The following FRMD6 variants were observed in gnomAD, a reference collection of about 807,000 sequenced individuals.
The protein encoded by FRMD6 is FERM domain containing 6.
A neutral mutation model predicts 73.2 loss-of-function variants in FRMD6; 37 were observed. The ratio of observed to expected loss-of-function variants is 0.51; its 90% CI spans 0.39 to 0.66. FRMD6 has a LOEUF of 0.66. FRMD6 is among the 30% of genes least tolerant of loss of function. The pLI is 0.00. For missense variants in FRMD6, 714 were observed against 780.5 expected (o/e 0.91, Z 1.02); for synonymous variants, 273 against 282.2 (o/e 0.97, Z 0.33).
the FRMD6 span, among the ~76,000 whole-genome samples, chr14:51,405,723 C>T: frequency 4.6e-5 from 7 of 152,066 alleles, no homozygotes; most frequent in Non-Finnish European, 1.0e-4. Context: ...CTTATAGATG[C>T]TGGATGTTAG....
At chr14:51,452,166 C>A in the FRMD6 span, among the ~76,000 whole-genome samples, 1 of 152,064 alleles carries the variant, frequency 6.6e-6, no homozygotes, top group Middle Eastern at 3.4e-3. Context: ...AGAGCATGAG[C>A]GAGGGTTGGA....
chr14:51,497,302 G>A (rs1281647501), intron 1 of FRMD6, among the ~76,000 whole-genome samples: 1 of 147,270 alleles, frequency 6.8e-6, no homozygotes, highest in East Asian at 2.0e-4. Context: ...CCTGTTGCTT[G>A]CTTGTAGAAA....
chr14:51,511,593 T>C (rs1884314526), intron 1 of FRMD6, among the ~76,000 whole-genome samples: 10 of 152,114 alleles, frequency 6.6e-5, no homozygotes, highest in Admixed American at 6.5e-4. Flanking sequence ...AAGTTAGGTA[T>C]CTTGGAAGGG....
chr14:51,563,618 T>C (rs529534967), intron 1 of FRMD6, among the ~76,000 whole-genome samples: 1 of 152,182 alleles, frequency 6.6e-6, no homozygotes, highest in East Asian at 1.9e-4. Flanking sequence ...TGTAGTGAGC[T>C]GAGATCATGC....
chr14:51,483,526 T>C, the FRMD6 span, among the ~76,000 whole-genome samples: 4 of 152,132 alleles, frequency 2.6e-5, no homozygotes, highest in African/African-American at 4.8e-5. Flanking sequence ...GTCTCTAAGA[T>C]TGGCATGAGC....
At chr14:51,639,210 C>T (rs989226718) in intron 2 of FRMD6, among the ~76,000 whole-genome samples, 5 of 152,014 alleles carry the variant, frequency 3.3e-5, no homozygotes, top group South Asian at 2.1e-4. Context: ...CTGAGGCGGG[C>T]GGATCACGAG....
intron 1 of FRMD6, among the ~76,000 whole-genome samples, chr14:51,560,744 A>C (rs1295349478): frequency 6.6e-6 from 1 of 152,136 alleles, no homozygotes; most frequent in Non-Finnish European, 1.5e-5. Flanking sequence ...TCAGACTCCC[A>C]AAGTGCTGGG....
the FRMD6 span, among the ~76,000 whole-genome samples, chr14:51,437,275 G>A: frequency 3.9e-5 from 6 of 152,254 alleles, no homozygotes; most frequent in African/African-American, 1.2e-4. Context: ...TGAGAATGAC[G>A]GTTTCCAACT....
At chr14:51,417,111 G>A in the FRMD6 span, among the ~76,000 whole-genome samples, 1 of 152,094 alleles carries the variant, frequency 6.6e-6, no homozygotes, top group African/African-American at 2.4e-5. Flanking sequence ...TACCCAATTT[G>A]CCAGTCTGTG....
intron 2 of FRMD6, among the ~76,000 whole-genome samples, chr14:51,586,267 A>G (rs1341232082): frequency 1.3e-5 from 2 of 152,056 alleles, no homozygotes; most frequent in Admixed American, 6.6e-5. Flanking sequence ...CTTTTTAACA[A>G]TAATCATTCT....
the FRMD6 span, among the ~76,000 whole-genome samples, chr14:51,409,184 C>A: frequency 6.6e-6 from 1 of 152,030 alleles, no homozygotes; most frequent in Non-Finnish European, 1.5e-5. Flanking sequence ...GCCTTCTGAC[C>A]CTCTGTGTGC....
intron 2 of FRMD6, among the ~76,000 whole-genome samples, chr14:51,591,338 C>T (rs987304922): frequency 1.1e-4 from 17 of 152,064 alleles, no homozygotes; most frequent in Admixed American, 9.2e-4. Flanking sequence ...GATAGTTCAC[C>T]TCATTGAAAG....
At chr14:51,690,412 G>GTC (rs555224223) in intron 2 of FRMD6, among the ~76,000 whole-genome samples, 145 of 152,202 alleles carry the variant, frequency 9.5e-4, no homozygotes, top group Non-Finnish European at 1.6e-3. Flanking sequence ...TTGAGACAGA[G>GTC]TCTCACTCTG....
intron 5 of FRMD6, among the ~76,000 whole-genome samples, chr14:51,704,112 A>G (rs1318275653): frequency 2.0e-5 from 3 of 152,122 alleles, no homozygotes; most frequent in African/African-American, 7.2e-5. Context: ...TAAAAACATA[A>G]CAGTAATGTA....
chr14:51,557,594 T>C (rs550672477), intron 1 of FRMD6, among the ~76,000 whole-genome samples: 66 of 152,282 alleles, frequency 4.3e-4, no homozygotes, highest in Middle Eastern at 6.8e-3. Context: ...AGGACATCTG[T>C]ACAACACGGT....
At chr14:51,500,777 T>C (rs1051211794) in intron 1 of FRMD6, among the ~76,000 whole-genome samples, 17 of 152,178 alleles carry the variant, frequency 1.1e-4, no homozygotes, top group African/African-American at 3.6e-4. Flanking sequence ...TGTGTGTATA[T>C]ACACACATAC....
At chr14:51,472,884 C>A in the FRMD6 span, among the ~76,000 whole-genome samples, 1 of 152,186 alleles carries the variant, frequency 6.6e-6, no homozygotes, top group African/African-American at 2.4e-5. Context: ...AAGTCTGTTA[C>A]CAGATTTAAT....
chr14:51,443,290 T>C, the FRMD6 span, among the ~76,000 whole-genome samples: 1 of 152,242 alleles, frequency 6.6e-6, no homozygotes, highest in African/African-American at 2.4e-5. Context: ...CAGCACATGC[T>C]AGCCAGAAGA....
Position 51,604,120 on chromosome 14 carries a change from T to C in FRMD6, c.-147+33710T>C, listed in dbSNP as rs545678984. ...CATTTGGTCAGGAAGCTTTCATTAC[T>C]ACTTGCAATAGTGAGAGACCGCTAG... On this transcript the variant is annotated intron_variant, in intron 2 of 14. Coordinates refer to the FRMD6 transcript ENST00000356218. Among the ~76,000 whole-genome samples, 11 of 152,344 alleles carry C rather than the reference T, an allele frequency of 7.2e-5. No individual in the cohort carries two copies. In the South Asian group the frequency reaches 2.3e-3, roughly 32 times the overall value.
Sources: allele counts gnomAD v4.1 joint callset (sites outside exome capture counted in the v4.1 genomes callset), GRCh38; gene constraint gnomAD v4.1.1; transcripts MANE v1.5; gene names NCBI Gene and HGNC (gene_info 2026-07-23, HGNC 2026-07-21).